The following ZNF385D variants were observed in gnomAD, a reference collection of about 807,000 sequenced individuals.
ZNF385D encodes zinc finger protein 659.
Under a neutral mutation model 35.8 loss-of-function variants are expected in ZNF385D, and 15 were observed. The observed-to-expected ratio is 0.42, with a 90% confidence interval of 0.28 to 0.64. The LOEUF (loss-of-function observed/expected upper bound fraction) is 0.64. Among genes scored for constraint, ZNF385D ranks in the 30% least tolerant of loss-of-function variants. ZNF385D has a pLI of 0.23. For missense variants in ZNF385D, 474 were observed against 494.6 expected (o/e 0.96, Z 0.39); for synonymous variants, 212 against 186.8 (o/e 1.13, Z -1.10).
rs1448114925 is a variant in ZNF385D at position 21,421,255 on chromosome 3, T to C, written c.1147A>G (p.Ile383Val). The C allele has an allele frequency of 1.9e-6, 3 of 1,614,112 alleles. No homozygotes were observed. In the African/African-American group the frequency reaches 4.0e-5, roughly 22 times the overall value. ...AGCACAGGAGTGTGGGCGGTCCGAA[T>C]GGGTCCAGGAGCTGGCCGCAGGAGT... ...PALLRPAPGP[I>V]RTAHTPVLFA... is the part of the protein sequence containing the mutation. Residue 383 changes from isoleucine to valine, a missense_variant, in exon 8 of 8, where the codon ATT (isoleucine) becomes GTT (valine). Physicochemically the swap from Ile to Val is conservative, Grantham distance 29 (BLOSUM62 3). Transcript: ENST00000281523.
chr3:21,983,412 G>C (rs1327575362), intron 3 of ZNF385D, among the ~76,000 whole-genome samples: 1 of 106,544 alleles, frequency 9.4e-6, no homozygotes, highest in Non-Finnish European at 1.9e-5. Context: ...AGAATATGCG[G>C]TGTTTGGTTT....
At position 21,747,740 on chromosome 3, in the gene ZNF385D, C is replaced by A. The variant is rs556363842; in HGVS notation, c.22+3155G>T. Among the ~76,000 whole-genome samples, 3 of 152,322 alleles carry A rather than the reference C, an allele frequency of 2.0e-5. No homozygotes were observed. The South Asian group carries it at 6.2e-4, about 32-fold the overall frequency. On this transcript the variant is annotated intron_variant, in intron 1 of 7. Coordinates refer to ENST00000281523, the MANE Select transcript of ZNF385D (RefSeq NM_024697.3). ...CTTCATACCAGCACAGTCCTCTTAA[C>A]CAAACTGTAACTGGGCAGCTCAGTC...
intron 2 of ZNF385D, among the ~76,000 whole-genome samples, chr3:21,625,327 C>T (rs1575346021): frequency 6.6e-6 from 1 of 151,918 alleles, no homozygotes; most frequent in Admixed American, 6.6e-5. Flanking sequence ...CAAAGGAGGA[C>T]AATCAGGAAG....
intron 3 of ZNF385D, among the ~76,000 whole-genome samples, chr3:22,063,689 G>T (rs896195252): frequency 4.6e-5 from 7 of 152,162 alleles, no homozygotes; most frequent in African/African-American, 1.7e-4. Context: ...ATAGCCCTCA[G>T]CTCTCTGTCC....
chr3:21,801,730 C>G (rs374352964), intron 3 of ZNF385D, among the ~76,000 whole-genome samples: 6 of 152,278 alleles, frequency 3.9e-5, no homozygotes, highest in African/African-American at 1.4e-4. Flanking sequence ...ACAGAAACAT[C>G]TTGGCTTCCA....
chr3:21,990,536 T>C (rs887005661), intron 3 of ZNF385D, among the ~76,000 whole-genome samples: 6 of 152,256 alleles, frequency 3.9e-5, no homozygotes, highest in Non-Finnish European at 7.3e-5. Flanking sequence ...TATGTATTTC[T>C]ATTATATAAA....
intron 3 of ZNF385D, among the ~76,000 whole-genome samples, chr3:21,935,408 T>G (rs1701210772): frequency 6.6e-6 from 1 of 152,146 alleles, no homozygotes. Context: ...TTATTCCCAT[T>G]TTAACAATGA....
Position 22,370,474 on chromosome 3 carries a change from T to C in ZNF385D, c.106+1976A>G, listed in dbSNP as rs534078993. Among the ~76,000 whole-genome samples, 25 of 152,270 alleles carry C rather than the reference T, an allele frequency of 1.6e-4. No individual in the cohort carries two copies. In the South Asian group the frequency reaches 5.0e-3, roughly 30 times the overall value. ...TTTATTTTATTTCACATCTACAAATTCTGCATTCTGTTATATTAAATACCT... is the reference window on the plus strand; with the variant it reads ...TTTATTTTATTTCACATCTACAAATCCTGCATTCTGTTATATTAAATACCT... On this transcript the variant is annotated intron_variant, in intron 2 of 5. Transcript: ENST00000494108.
At chr3:22,363,750 C>A (rs1696524305) in intron 2 of ZNF385D, among the ~76,000 whole-genome samples, 1 of 152,084 alleles carries the variant, frequency 6.6e-6, no homozygotes, top group Admixed American at 6.5e-5. Flanking sequence ...ATCTTTTCTA[C>A]TCTTAAGGAA....
chr3:22,116,613 T>G (rs558917257), intron 3 of ZNF385D, among the ~76,000 whole-genome samples: 156 of 152,160 alleles, frequency 1.0e-3, no homozygotes, highest in Non-Finnish European at 1.6e-3. Context: ...TGAGGCAACA[T>G]TTGAATGTAA....
intron 1 of ZNF385D, among the ~76,000 whole-genome samples, chr3:21,741,219 T>C (rs1170343253): frequency 6.6e-6 from 1 of 152,208 alleles, no homozygotes; most frequent in Non-Finnish European, 1.5e-5. Context: ...ACTACAGTAT[T>C]TGTACTTATT....
intron 3 of ZNF385D, among the ~76,000 whole-genome samples, chr3:22,159,780 C>A (rs1489861116): frequency 6.6e-6 from 1 of 152,048 alleles, no homozygotes; most frequent in Non-Finnish European, 1.5e-5. Flanking sequence ...AATACAGTGT[C>A]TTATTATATA....
At chr3:21,426,326 C>T (rs77640717) in intron 5 of ZNF385D, among the ~76,000 whole-genome samples, 1,893 of 152,200 alleles carry the variant, frequency 0.012, 101 homozygotes, top group Admixed American at 0.094. Context: ...GAGGGGTGGA[C>T]TCGTAACCCA....
At chr3:21,625,807 T>C (rs1364270098) in intron 2 of ZNF385D, among the ~76,000 whole-genome samples, 1 of 152,136 alleles carries the variant, frequency 6.6e-6, no homozygotes, top group Non-Finnish European at 1.5e-5. Flanking sequence ...AGTGAGTATC[T>C]ACCACATCAG....
At chr3:22,049,317 T>TAAAATAAAAC (rs1272589453) in intron 3 of ZNF385D, among the ~76,000 whole-genome samples, 1 of 151,392 alleles carries the variant, frequency 6.6e-6, no homozygotes, top group African/African-American at 2.4e-5. Context: ...TAAAATAAAA[T>TAAAATAAAAC]AAAATAAAAT....
intron 3 of ZNF385D, among the ~76,000 whole-genome samples, chr3:22,037,751 G>C (rs1270369797): frequency 1.3e-5 from 2 of 152,080 alleles, no homozygotes; most frequent in African/African-American, 4.8e-5. Context: ...TGTTGTCATT[G>C]CTTTTGGTGT....
At chr3:21,640,720 G>C (rs185570620) in intron 2 of ZNF385D, among the ~76,000 whole-genome samples, 1 of 152,090 alleles carries the variant, frequency 6.6e-6, no homozygotes, top group East Asian at 1.9e-4. Context: ...TGTTTAAACC[G>C]CCCATTCTAT....
rs116321065 is a variant in ZNF385D at position 22,348,736 on chromosome 3, A to G, written c.106+23714T>C. Among the ~76,000 whole-genome samples the G allele has an allele frequency of 3.0e-3, 463 of 152,164 alleles. 1 individual carries two copies. Among genetic ancestry groups the G allele is most frequent in the African/African-American group, 9.9e-3 (413 of 41,530 alleles). ...GAGAAAGTAGGGTACAGGCACTTAT[A>G]GGGGAATATCATGTGAAGAGTCTGG... On this transcript the variant is annotated intron_variant, in intron 2 of 5. Transcript: ENST00000494108.
At chr3:21,701,788 C>T (rs2067693322) in intron 1 of ZNF385D, among the ~76,000 whole-genome samples, 1 of 152,118 alleles carries the variant, frequency 6.6e-6, no homozygotes, top group African/African-American at 2.4e-5. Context: ...AGGGCCCATG[C>T]AAGTCTGAAA....
Sources: allele counts gnomAD v4.1 joint callset (sites outside exome capture counted in the v4.1 genomes callset), GRCh38; gene constraint gnomAD v4.1.1; transcripts MANE v1.5; gene names NCBI Gene and HGNC (gene_info 2026-07-23, HGNC 2026-07-21).